Variants in THSD7A observed in about 807,000 individuals in gnomAD.
THSD7A encodes the protein thrombospondin type-1 domain-containing protein 7A.
THSD7A carries 96 observed loss-of-function variants against 231.3 expected under a neutral mutation model. The ratio of observed to expected loss-of-function variants is 0.41; its 90% CI spans 0.35 to 0.49. The LOEUF is 0.49. THSD7A is among the 20% of genes least tolerant of loss of function. The pLI, the probability that THSD7A is intolerant of heterozygous loss-of-function variation, is 0.05. For missense variants in THSD7A, 2,290 were observed against 2,070.2 expected, an observed-to-expected ratio of 1.11 and a Z score of -2.06; for synonymous variants, 940 against 743.3, an observed-to-expected ratio of 1.26 and a Z score of -4.30.
At chr7:11,519,271 A>G (rs193235088) in intron 6 of THSD7A, among the ~76,000 whole-genome samples, 115 of 152,156 alleles carry the variant, frequency 7.6e-4, no homozygotes, top group Admixed American at 1.4e-3. Context: ...CGCCATCACA[A>G]CCCTTCTATT....
chr7:11,542,020 C>A (rs1375381563), intron 5 of THSD7A, among the ~76,000 whole-genome samples: 5 of 152,172 alleles, frequency 3.3e-5, no homozygotes, highest in African/African-American at 1.2e-4. Context: ...AAATTTCAAG[C>A]TATTTAGAAA....
chr7:11,633,300 T>C (rs1371120128), intron 2 of THSD7A, among the ~76,000 whole-genome samples: 1 of 152,212 alleles, frequency 6.6e-6, no homozygotes, highest in Non-Finnish European at 1.5e-5. Context: ...AAGCTTCCTG[T>C]GTCCTAGTGT....
chr7:11,438,227 G>A (rs928559062), intron 13 of THSD7A, among the ~76,000 whole-genome samples: 1 of 152,044 alleles, frequency 6.6e-6, no homozygotes, highest in African/African-American at 2.4e-5. Flanking sequence ...GGAATAAGCA[G>A]TAGACTGCTT....
chr7:11,812,140 T>TGTGTGTGTGTGTGTGTGTGA (rs377112108), intron 1 of THSD7A, among the ~76,000 whole-genome samples: 7 of 147,014 alleles, frequency 4.8e-5, no homozygotes, highest in African/African-American at 1.8e-4. Flanking sequence ...TGTGTGTGTG[T>TGTGTGTGTGTGTGTGTGTGA]GGGAGACAGA....
At chr7:11,667,184 T>C (rs1051264726) in intron 1 of THSD7A, among the ~76,000 whole-genome samples, 1 of 152,062 alleles carries the variant, frequency 6.6e-6, no homozygotes, top group Non-Finnish European at 1.5e-5. Flanking sequence ...ACCCAATATA[T>C]AGTCTTTTAG....
chr7:11,460,956 T>C (rs1485859992), intron 10 of THSD7A, among the ~76,000 whole-genome samples, 191 bp from the exon 11 acceptor site: 2 of 152,166 alleles, frequency 1.3e-5, no homozygotes, highest in East Asian at 3.8e-4. Context: ...AAAAGTACTT[T>C]CTCTGGCAGT....
At chr7:11,410,106 G>A (rs1320903673) in intron 19 of THSD7A, among the ~76,000 whole-genome samples, 1 of 152,110 alleles carries the variant, frequency 6.6e-6, no homozygotes, top group East Asian at 1.9e-4. Context: ...AAACTAAAAT[G>A]ATTCAAGTGT....
At chr7:11,645,150 C>T (rs996671309) in intron 1 of THSD7A, among the ~76,000 whole-genome samples, 1 of 151,848 alleles carries the variant, frequency 6.6e-6, no homozygotes, top group Non-Finnish European at 1.5e-5. Context: ...TGAATATGCC[C>T]AAATCCACTG....
At chr7:11,655,379 T>C (rs2128370571) in intron 1 of THSD7A, among the ~76,000 whole-genome samples, 1 of 152,036 alleles carries the variant, frequency 6.6e-6, no homozygotes, top group East Asian at 1.9e-4. Flanking sequence ...TTGCTGACTC[T>C]GTTGTTGGAC....
At chr7:11,754,937 A>C (rs569619873) in intron 1 of THSD7A, among the ~76,000 whole-genome samples, 6 of 152,088 alleles carry the variant, frequency 3.9e-5, no homozygotes, top group Non-Finnish European at 7.4e-5. Flanking sequence ...ACTGTATTAT[A>C]TAGTTTATGT....
At chr7:11,759,345 T>C (rs1176980419) in intron 1 of THSD7A, among the ~76,000 whole-genome samples, 1 of 152,118 alleles carries the variant, frequency 6.6e-6, no homozygotes, top group Non-Finnish European at 1.5e-5. Context: ...AAAGGTATGG[T>C]TGTTTAGAAA....
intron 23 of THSD7A, among the ~76,000 whole-genome samples, chr7:11,390,284 G>T (rs1171559816): frequency 2.0e-5 from 3 of 152,220 alleles, no homozygotes; most frequent in African/African-American, 7.2e-5. Context: ...CATATTTCTT[G>T]GAGGCTTTGT....
At chr7:11,379,793 G>A in intron 24 of THSD7A, 81 bp from the exon 25 acceptor site, 1 of 1,432,306 alleles carries the variant, frequency 7.0e-7, no homozygotes, top group Non-Finnish European at 9.6e-7. Flanking sequence ...ACTTGTCTTT[G>A]AATCTTGAAC....
Position 11,766,514 on chromosome 7 carries a change from C to T in THSD7A, c.190+65243G>A, listed in dbSNP as rs183192974. Among the ~76,000 whole-genome samples, 18 of 152,270 alleles carry T rather than the reference C, an allele frequency of 1.2e-4. No homozygotes were observed. The East Asian group carries it at 3.5e-3, about 29-fold the overall frequency. Reference sequence around the variant, plus strand: ...CTAAAGATGACTTTCAGAAATAACTCTATTGGTTCAAACGTTTATCCTTAT... The same window carrying T: ...CTAAAGATGACTTTCAGAAATAACTTTATTGGTTCAAACGTTTATCCTTAT... On this transcript the variant is annotated intron_variant, in intron 1 of 27. Coordinates refer to ENST00000423059, the MANE Select transcript of THSD7A (RefSeq NM_015204.3).
At chr7:11,476,630 A>G (rs1786196039) in intron 7 of THSD7A, among the ~76,000 whole-genome samples, 1 of 152,072 alleles carries the variant, frequency 6.6e-6, no homozygotes, top group Non-Finnish European at 1.5e-5. Context: ...CACCCTGGGC[A>G]GCACGGTGAA....
At chr7:11,787,825 C>A (rs1386883040) in intron 1 of THSD7A, among the ~76,000 whole-genome samples, 1 of 151,970 alleles carries the variant, frequency 6.6e-6, no homozygotes, top group Admixed American at 6.6e-5. Flanking sequence ...TACAGGCACT[C>A]TGGAAGATAG....
At chr7:11,708,542 A>G (rs986664440) in intron 1 of THSD7A, among the ~76,000 whole-genome samples, 2 of 150,840 alleles carry the variant, frequency 1.3e-5, no homozygotes, top group Non-Finnish European at 3.0e-5. Flanking sequence ...GACCTTGAAA[A>G]TAAATCACTT....
At chr7:11,773,101 CAT>C (rs1002842061) in intron 1 of THSD7A, among the ~76,000 whole-genome samples, 2 of 152,132 alleles carry the variant, frequency 1.3e-5, no homozygotes, top group Non-Finnish European at 2.9e-5. Flanking sequence ...AAGGCCCCAT[CAT>C]ATGTTTGCTT....
chr7:11,675,960 T>C (rs1220542054), intron 1 of THSD7A, among the ~76,000 whole-genome samples: 1 of 152,158 alleles, frequency 6.6e-6, no homozygotes, highest in Non-Finnish European at 1.5e-5. Context: ...CCCATGAGCC[T>C]CCTGATGGGG....
Sources: allele counts gnomAD v4.1 joint callset (sites outside exome capture counted in the v4.1 genomes callset), GRCh38; gene constraint gnomAD v4.1.1; transcripts MANE v1.5; gene names NCBI Gene and HGNC (gene_info 2026-07-23, HGNC 2026-07-21).